Variants in LAMA1 observed in about 807,000 individuals in gnomAD.
LAMA1 encodes laminin subunit alpha 1, also known as laminin subunit alpha-1.
Under a neutral mutation model 348.7 loss-of-function variants are expected in LAMA1, and 219 were observed. The observed-to-expected ratio is 0.63, with a 90% CI of 0.56 to 0.70. The LOEUF is 0.70. LAMA1 is among the 30% of genes least tolerant of loss of function. The pLI is 0.00. For missense variants in LAMA1, 3,744 were observed against 3,888.0 expected (o/e 0.96, Z 0.99); for synonymous variants, 1,487 against 1,491.0 (o/e 1.00, Z 0.06).
intron 1 of LAMA1, among the ~76,000 whole-genome samples, chr18:7,109,516 C>A (rs2058327255): frequency 6.6e-6 from 1 of 152,166 alleles, no homozygotes; most frequent in Non-Finnish European, 1.5e-5. Flanking sequence ...TTGAAACAGG[C>A]CATCACATCG....
chr18:6,996,778 C>CA (rs982295981), intron 33 of LAMA1, among the ~76,000 whole-genome samples: 1 of 151,336 alleles, frequency 6.6e-6, no homozygotes, highest in Non-Finnish European at 1.5e-5. Flanking sequence ...GACCCTGTCT[C>CA]AAAAAAATAA....
At chr18:7,052,432 A>T (rs2058065726) in intron 3 of LAMA1, among the ~76,000 whole-genome samples, 1 of 147,586 alleles carries the variant, frequency 6.8e-6, no homozygotes, top group South Asian at 2.1e-4. Flanking sequence ...CTCTGTATCA[A>T]AAAAAAAAAA....
chr18:7,111,552 C>T (rs551287568), intron 1 of LAMA1, among the ~76,000 whole-genome samples: 3 of 152,294 alleles, frequency 2.0e-5, no homozygotes, highest in African/African-American at 7.2e-5. Flanking sequence ...ATCCAGCTAT[C>T]GTGTGGCGTT....
chr18:7,082,789 T>A (rs2058198168), intron 1 of LAMA1, among the ~76,000 whole-genome samples: 1 of 152,226 alleles, frequency 6.6e-6, no homozygotes, highest in Non-Finnish European at 1.5e-5. Context: ...TCACAAAGAC[T>A]AGTCAAGCAA....
intron 1 of LAMA1, among the ~76,000 whole-genome samples, chr18:7,093,562 G>C (rs2058248481): frequency 6.6e-6 from 1 of 152,132 alleles, no homozygotes; most frequent in Non-Finnish European, 1.5e-5. Context: ...AGCAAGTCCT[G>C]GCAAAGGTGG....
At chr18:6,957,869 C>T (rs576622588) in intron 55 of LAMA1, among the ~76,000 whole-genome samples, 57 of 152,102 alleles carry the variant, frequency 3.7e-4, no homozygotes, top group Non-Finnish European at 7.9e-4. Flanking sequence ...GCACCTCCGC[C>T]TCCCGGGTTC....
Position 6,997,849 on chromosome 18 carries a change from C to A in LAMA1, c.4699G>T (p.Asp1567Tyr). ...ACGGCATCACCAATCTCATCCAAGT[C>A]ATTCAGCAGCACACCTACACACTCA... ...DDECVGVLLN[D>Y]LDEIGDAVLS... The change falls in exon 33 of 63, where the codon GAC (aspartate) becomes TAC (tyrosine). Residue 1567 changes from aspartate (D) to tyrosine (Y), a missense_variant. By Grantham distance (160) the Asp-to-Tyr change is radical. This residue lies in a region of LAMA1 where 1,983 missense variants were observed against 1,934.3 expected (regional missense o/e 1.03). Coordinates refer to ENST00000389658, the MANE Select transcript of LAMA1 (RefSeq NM_005559.4). 1 of 1,614,160 alleles carries A rather than the reference C, an allele frequency of 6.2e-7. No individual in the cohort carries two copies. The highest frequency in any genetic ancestry group is 8.5e-7 in the Non-Finnish European group (1 of 1,180,032).
At chr18:7,099,090 G>T (rs1021100943) in intron 1 of LAMA1, among the ~76,000 whole-genome samples, 1 of 151,876 alleles carries the variant, frequency 6.6e-6, no homozygotes, top group Non-Finnish European at 1.5e-5. Flanking sequence ...GAAAGAAGTA[G>T]ACATGGGAGA....
Position 7,026,114 on chromosome 18 carries a change from C to T in LAMA1, c.2275-8G>A. 3 of 1,610,704 alleles carry T rather than the reference C, an allele frequency of 1.9e-6. No homozygotes were observed. The highest frequency in any genetic ancestry group is 2.5e-6 in the Non-Finnish European group (3 of 1,178,242). On this transcript the variant is annotated splice_polypyrimidine_tract_variant and splice_region_variant and intron_variant, in intron 16 of 62. Coordinates refer to ENST00000389658, the MANE Select transcript of LAMA1 (RefSeq NM_005559.4). ...GGTGTTGTGCGCACACGCCTAGGAACATGCACCAGAAGAATCAGCTCAGGT... is the reference window on the plus strand; with the variant it reads ...GGTGTTGTGCGCACACGCCTAGGAATATGCACCAGAAGAATCAGCTCAGGT...
chr18:6,965,562 G>T lies in LAMA1; in HGVS notation c.7051-130C>A, dbSNP rs565442676. The T allele has an allele frequency of 6.6e-6, 7 of 1,061,598 alleles. No homozygotes were observed. In the South Asian group the frequency reaches 7.9e-5, roughly 12 times the overall value. 65.8% of individuals were successfully genotyped at this position (1,061,598 alleles called of 1,614,324 possible). On this transcript the variant is annotated intron_variant, in intron 49 of 62. Transcript: ENST00000389658. ...ACTGGATCTGGCCCCACAGCCAGAG[G>T]TCTATCGGCTACGAAACCAAAAATG...
intron 1 of LAMA1, among the ~76,000 whole-genome samples, chr18:7,099,106 C>T (rs1326012951): frequency 6.6e-6 from 1 of 151,818 alleles, no homozygotes; most frequent in Admixed American, 6.6e-5. Flanking sequence ...GGAGACTTTT[C>T]ATTTTGTTCT....
intron 29 of LAMA1, among the ~76,000 whole-genome samples, chr18:7,005,538 C>T (rs2057828270): frequency 6.6e-6 from 1 of 152,178 alleles, no homozygotes; most frequent in Admixed American, 6.5e-5. Context: ...CATTGGAGGT[C>T]AGGAGTTCGA....
intron 13 of LAMA1, among the ~76,000 whole-genome samples, chr18:7,035,345 G>C (rs1162492026): frequency 2.6e-5 from 4 of 152,164 alleles, no homozygotes; most frequent in Admixed American, 2.0e-4. Flanking sequence ...ATTCATCTGA[G>C]AGGCAAAGTG....
intron 1 of LAMA1, among the ~76,000 whole-genome samples, chr18:7,107,157 C>T (rs1488969133): frequency 7.1e-6 from 1 of 140,330 alleles, no homozygotes; most frequent in East Asian, 2.2e-4. Context: ...CTCACTCTGT[C>T]ACCCAGGCTG....
rs1173950600 is a variant in LAMA1 at position 7,077,204 on chromosome 18, T to C, written c.345+2771A>G. 9.0e-5 allele frequency among the ~76,000 whole-genome samples: 13 copies of C among 144,740 alleles called. No homozygotes were observed. In the East Asian group the frequency reaches 1.4e-3, roughly 16 times the overall value. 95.0% of individuals were successfully genotyped at this position (144,740 alleles called of 152,430 possible). The stretch of plus-strand genomic sequence containing the variant: ...ATGGTTTTTTCTGTTCTTTTCTTTT[T>C]TTTTTTTTTTTTTTTGAGACGGAGT... On this transcript the variant is annotated intron_variant, in intron 3 of 62. Coordinates refer to ENST00000389658, the MANE Select transcript of LAMA1 (RefSeq NM_005559.4).
intron 23 of LAMA1, 136 bp from the exon 24 acceptor site, chr18:7,012,274 G>A (rs2057864181): frequency 1.1e-6 from 1 of 909,398 alleles, no homozygotes. Flanking sequence ...CCTCTAGCCA[G>A]GCCCGGAGCT....
chr18:6,947,238 G>T lies in LAMA1; in HGVS notation c.8769C>A (p.Ser2923=), dbSNP rs780584373. The change falls in exon 61 of 63, where the codon TCC becomes TCA. Residue 2923 remains serine, a synonymous_variant. Transcript: ENST00000389658. ...TCCCCAGGAGGACGCCATTCTGCGA[G>T]GAGGTTCGAAACTCCAGTGTGATGT... The part of the protein sequence containing the change: ...DVNITLEFRT[S]SQNGVLLGIS... The T allele has an allele frequency of 5.6e-6, 9 of 1,614,178 alleles. No homozygotes were observed. The South Asian group carries it at 9.9e-5, about 18-fold the overall frequency.
In LAMA1 at chr18:7,011,341, G is replaced by T. The variant is rs1041644587; in HGVS notation, c.3646C>A (p.Pro1216Thr). ...ATVRQHIRAEPFYWRLPQQFQ... is the reference protein window; with the variant it reads ...ATVRQHIRAETFYWRLPQQFQ... ...TGCTGCGGCAGCCGCCAGTAAAACG[G>T]CTCTGCACGGATGTGCTGCCGGACG... Residue 1216 changes from proline (P) to threonine (T), a missense_variant, in exon 25 of 63, where the codon CCG becomes ACG. Coordinates refer to ENST00000389658, the MANE Select transcript of LAMA1 (RefSeq NM_005559.4). 9 of 1,612,454 alleles carry T rather than the reference G, an allele frequency of 5.6e-6. No individual in the cohort carries two copies. Among genetic ancestry groups the T allele is most frequent in the African/African-American group, 1.3e-5 (1 of 74,902 alleles).
At chr18:7,018,106 A>C (rs111428578) in intron 19 of LAMA1, among the ~76,000 whole-genome samples, 6,740 of 151,998 alleles carry the variant, frequency 0.044, 425 homozygotes, top group African/African-American at 0.14. Context: ...GAGGACAAGG[A>C]AGGCGGATCA....
Sources: gnomAD v4.1 joint callset for allele counts (sites outside exome capture counted in the v4.1 genomes callset) on GRCh38, gnomAD v4.1.1 for gene constraint, gnomAD v4.1.1 regional missense constraint, MANE v1.5 for transcripts, NCBI Gene and HGNC (gene_info 2026-07-23, HGNC 2026-07-21) for gene names.